LRRC4C: variants seen among roughly 807,000 people sequenced by gnomAD.
LRRC4C encodes leucine rich repeat containing 4C, also known as leucine-rich repeat-containing protein 4C.
LRRC4C carries 5 observed loss-of-function variants against 33.6 expected under a neutral mutation model. That is an observed-to-expected ratio of 0.15 (90% confidence interval 0.08 to 0.31). The LOEUF is 0.31. LRRC4C is among the 10% of genes least tolerant of loss of function. LRRC4C has a pLI of 1.00. For missense variants in LRRC4C, 560 were observed against 796.7 expected, an observed-to-expected ratio of 0.70 and a Z score of 3.58; for synonymous variants, 329 against 302.0, an observed-to-expected ratio of 1.09 and a Z score of -0.93.
chr11:41,236,804 T>C (rs1948043511), intron 1 of LRRC4C, among the ~76,000 whole-genome samples: 1 of 152,180 alleles, frequency 6.6e-6, no homozygotes, highest in Non-Finnish European at 1.5e-5. Context: ...TTTAGAAGCA[T>C]AAGTTAAAGA....
At chr11:40,820,329 A>AT (rs1209465630) in intron 2 of LRRC4C, among the ~76,000 whole-genome samples, 4 of 151,990 alleles carry the variant, frequency 2.6e-5, no homozygotes, top group Admixed American at 6.6e-5. Context: ...AATTATACAT[A>AT]TTTTTTCAGA....
rs565093974 is a variant in LRRC4C at position 41,325,068 on chromosome 11, T to G, written c.-496+134363A>C. Among the ~76,000 whole-genome samples, 3 of 152,296 alleles carry G rather than the reference T, an allele frequency of 2.0e-5. No individual in the cohort carries two copies. In the South Asian group the frequency reaches 6.2e-4, roughly 32 times the overall value. On this transcript the variant is annotated intron_variant, in intron 1 of 6. Transcript: ENST00000528697. ...GTTATATAACTGAAGCAAGGATTAT[T>G]TTTTGCCTGGTTATAAGATTTAAAA...
At chr11:40,560,442 TTG>T (rs66917448) in intron 3 of LRRC4C, among the ~76,000 whole-genome samples, 57,787 of 149,046 alleles carry the variant, frequency 0.39, 11,758 homozygotes, top group East Asian at 0.64. Context: ...GTGCCTGTGT[TTG>T]TGTGTGTGTG....
At chr11:41,429,891 T>C (rs1292213368) in intron 1 of LRRC4C, among the ~76,000 whole-genome samples, 1 of 152,108 alleles carries the variant, frequency 6.6e-6, no homozygotes, top group Admixed American at 6.6e-5. Flanking sequence ...AAGGGGAAGC[T>C]TCCAAATGAG....
At chr11:40,213,728 C>T (rs976661448) in intron 5 of LRRC4C, among the ~76,000 whole-genome samples, 2 of 152,146 alleles carry the variant, frequency 1.3e-5, no homozygotes, top group African/African-American at 4.8e-5. Context: ...TCTGAAGTGA[C>T]ACAGGCATAT....
chr11:40,597,459 T>C (rs185412079), intron 3 of LRRC4C, among the ~76,000 whole-genome samples: 16 of 152,292 alleles, frequency 1.1e-4, no homozygotes, highest in Admixed American at 1.0e-3. Context: ...TTCCATAATC[T>C]CTATTGTCTA....
At chr11:40,134,852 C>T (rs1385423208) in intron 6 of LRRC4C, among the ~76,000 whole-genome samples, 1 of 152,140 alleles carries the variant, frequency 6.6e-6, no homozygotes, top group African/African-American at 2.4e-5. Flanking sequence ...TAGTGGCTCC[C>T]ACTGAATATC....
At chr11:40,170,146 T>C (rs535400825) in intron 5 of LRRC4C, among the ~76,000 whole-genome samples, 1 of 152,288 alleles carries the variant, frequency 6.6e-6, no homozygotes, top group African/African-American at 2.4e-5. Flanking sequence ...TGCATGTGAG[T>C]GGGATTCTGC....
At chr11:40,448,789 G>A (rs1010660337) in intron 3 of LRRC4C, among the ~76,000 whole-genome samples, 7 of 152,272 alleles carry the variant, frequency 4.6e-5, no homozygotes, top group South Asian at 2.1e-4. Context: ...GGATCAAATG[G>A]TATTTCTGGA....
chr11:41,075,061 T>A (rs1409148579), intron 1 of LRRC4C, among the ~76,000 whole-genome samples: 2 of 14,018 alleles, frequency 1.4e-4, no homozygotes, highest in Non-Finnish European at 4.9e-4. Context: ...TTTTTTTTTT[T>A]TATTATACTC....
At chr11:40,138,184 T>TA (rs1857118025) in intron 6 of LRRC4C, among the ~76,000 whole-genome samples, 1 of 150,296 alleles carries the variant, frequency 6.7e-6, no homozygotes, top group Admixed American at 6.6e-5. Flanking sequence ...TTTTTTTTTT[T>TA]AGAGATGGAG....
intron 3 of LRRC4C, among the ~76,000 whole-genome samples, chr11:40,372,165 G>A (rs750553474): frequency 2.0e-4 from 31 of 152,288 alleles, no homozygotes; most frequent in Admixed American, 1.1e-3. Flanking sequence ...TAGGAGATAG[G>A]CTGAAGTAAT....
intron 1 of LRRC4C, among the ~76,000 whole-genome samples, chr11:41,305,984 T>G (rs1345255801): frequency 6.7e-6 from 1 of 148,830 alleles, no homozygotes; most frequent in African/African-American, 2.5e-5. Context: ...CTCCGTATGC[T>G]GAACGCTGGC....
chr11:41,147,881 G>A (rs1346399022), intron 1 of LRRC4C, among the ~76,000 whole-genome samples: 3 of 151,994 alleles, frequency 2.0e-5, no homozygotes, highest in Non-Finnish European at 4.4e-5. Context: ...TTTGATCCAG[G>A]AGTCCAAGAC....
Position 41,257,855 on chromosome 11 carries a change from T to G in LRRC4C, c.-496+201576A>C, listed in dbSNP as rs147693664. On this transcript the variant is annotated intron_variant, in intron 1 of 6. Coordinates refer to ENST00000528697, the MANE Select transcript of LRRC4C (RefSeq NM_001258419.2). ...CACTGTTTTCATGAAAATTTACCAA[T>G]CCTTCATATGAAATTAGTTAGTAAT... is the stretch of plus-strand genomic sequence containing the variant. Among the ~76,000 whole-genome samples, 191 of 152,192 alleles carry G rather than the reference T, an allele frequency of 1.3e-3. 1 individual carries two copies. Among genetic ancestry groups the G allele is most frequent in the Admixed American group, 4.0e-3 (61 of 15,264 alleles).
At chr11:40,638,770 G>T (rs896565036) in intron 3 of LRRC4C, among the ~76,000 whole-genome samples, 1 of 138,848 alleles carries the variant, frequency 7.2e-6, no homozygotes, top group Admixed American at 7.2e-5. Flanking sequence ...AATTGGTCGA[G>T]TTTTTTTTTT....
intron 5 of LRRC4C, among the ~76,000 whole-genome samples, chr11:40,231,456 A>G (rs1865192180): frequency 1.2e-5 from 1 of 85,710 alleles, no homozygotes; most frequent in South Asian, 6.1e-4. Context: ...AATTATCAAC[A>G]TATACATTTA....
At chr11:41,173,880 TA>T (rs1945084210) in intron 1 of LRRC4C, among the ~76,000 whole-genome samples, 1 of 152,138 alleles carries the variant, frequency 6.6e-6, no homozygotes, top group Non-Finnish European at 1.5e-5. Flanking sequence ...ATGAACAAAA[TA>T]AATATAAGCA....
rs548093273 is a variant in LRRC4C, at chr11:40,867,201, A to G, written c.-407+66434T>C. Among the ~76,000 whole-genome samples, 3 of 152,300 alleles carry G rather than the reference A, an allele frequency of 2.0e-5. No individual in the cohort carries two copies. The South Asian group carries it at 6.2e-4, about 32-fold the overall frequency. ...GTTCACCAACACAACCCTGTTTTTG[A>G]CATGTCCTAAGTATTGAATAAATTA... On this transcript the variant is annotated intron_variant, in intron 2 of 6. Coordinates refer to ENST00000528697, the MANE Select transcript of LRRC4C (RefSeq NM_001258419.2).
Sources: allele counts gnomAD v4.1 joint callset (sites outside exome capture counted in the v4.1 genomes callset), GRCh38; gene constraint gnomAD v4.1.1; transcripts MANE v1.5; gene names NCBI Gene and HGNC (gene_info 2026-07-23, HGNC 2026-07-21).